Variants in HTR2A observed in about 807,000 individuals in gnomAD.
The protein encoded by HTR2A is 5-HT2 receptor.
HTR2A carries 14 observed loss-of-function variants against 31.0 expected under a neutral mutation model. The ratio of observed to expected loss-of-function variants is 0.45; its 90% CI spans 0.30 to 0.71. HTR2A has a LOEUF of 0.71. Among genes scored for constraint, HTR2A ranks in the 30% least tolerant of loss-of-function variants. The probability of loss-of-function intolerance (pLI) is 0.09; values close to 1 mark genes in which losing one functional copy is unlikely to be tolerated. For missense variants in HTR2A, 442 were observed against 573.3 expected, an observed-to-expected ratio of 0.77 and a Z score of 2.34; for synonymous variants, 209 against 225.2, an observed-to-expected ratio of 0.93 and a Z score of 0.64.
chr13:46,859,260 CA>C (rs1338698993), intron 3 of HTR2A, among the ~76,000 whole-genome samples: 1 of 152,140 alleles, frequency 6.6e-6, no homozygotes, highest in Non-Finnish European at 1.5e-5. Context: ...TCTCATTCTT[CA>C]AGTTTCAGCT....
intron 3 of HTR2A, among the ~76,000 whole-genome samples, chr13:46,846,997 T>G (rs1314386888): frequency 6.6e-6 from 1 of 152,232 alleles, no homozygotes; most frequent in Non-Finnish European, 1.5e-5. Context: ...CTCCTGTTTG[T>G]TCATTTTGCT....
At chr13:46,881,030 C>G (rs1056833423) in intron 3 of HTR2A, among the ~76,000 whole-genome samples, 3 of 152,206 alleles carry the variant, frequency 2.0e-5, no homozygotes, top group African/African-American at 7.2e-5. Context: ...CTCTGGCAGG[C>G]TCTCAGCTGC....
intron 3 of HTR2A, among the ~76,000 whole-genome samples, chr13:46,863,630 G>GAAAAAAAAAAAAAA (rs59693757): frequency 7.9e-4 from 47 of 59,260 alleles, no homozygotes; most frequent in African/African-American, 2.1e-3. Flanking sequence ...CCCTCAAAAT[G>GAAAAAAAAAAAAAA]AAAAAAAAAA....
intron 3 of HTR2A, among the ~76,000 whole-genome samples, chr13:46,855,594 A>G (rs1950729299): frequency 6.6e-6 from 1 of 152,098 alleles, no homozygotes; most frequent in South Asian, 2.1e-4. Flanking sequence ...TGGCCAGGGA[A>G]CATGTAAACT....
chr13:46,876,647 A>T (rs1315001306), intron 3 of HTR2A, among the ~76,000 whole-genome samples: 1 of 151,546 alleles, frequency 6.6e-6, no homozygotes, highest in African/African-American at 2.4e-5. Context: ...CGATCTCCTG[A>T]CCTTGTGATC....
At position 46,862,592 on chromosome 13, in the gene HTR2A, G is replaced by A. The variant is rs556603818; in HGVS notation, c.614-26953C>T. 3.3e-5 allele frequency among the ~76,000 whole-genome samples: 5 copies of A among 152,242 alleles called. No homozygotes were observed. In the East Asian group the frequency reaches 9.6e-4, roughly 29 times the overall value. ...ACTCCAGAAATAGAAAAGAGAAACAGGAAAACCAAAACTGGCTGGCCACTC... is the reference window on the plus strand; with the variant it reads ...ACTCCAGAAATAGAAAAGAGAAACAAGAAAACCAAAACTGGCTGGCCACTC... On this transcript the variant is annotated intron_variant, in intron 3 of 3. Coordinates refer to ENST00000542664, the MANE Select transcript of HTR2A (RefSeq NM_000621.5).
chr13:46,835,355 G>A lies in HTR2A; in HGVS notation c.898C>T (p.His300Tyr). ...CCTGTGTAGGACCCTGGCTCCCTATGGATCGACCGCTGGAAGAGCTTTTCT... is the reference window on the plus strand; with the variant it reads ...CCTGTGTAGGACCCTGGCTCCCTATAGATCGACCGCTGGAAGAGCTTTTCT... ...SSEKLFQRSI[H>Y]REPGSYTGRR... The change falls in exon 4 of 4, where the codon CAT (histidine) becomes TAT (tyrosine). Residue 300 changes from histidine (H) to tyrosine (Y), a missense_variant. Around this residue, in one of 5 missense-constraint regions of HTR2A, gnomAD observed 174 missense variants for 195.1 expected, o/e 0.89. Transcript: ENST00000542664. 1 of 1,614,042 alleles carries A rather than the reference G, an allele frequency of 6.2e-7. No individual in the cohort carries two copies. The highest frequency in any genetic ancestry group is 1.7e-4 in the Middle Eastern group (1 of 6,060).
intron 3 of HTR2A, among the ~76,000 whole-genome samples, chr13:46,876,825 C>A (rs1422828257): frequency 6.6e-6 from 1 of 152,128 alleles, no homozygotes; most frequent in Non-Finnish European, 1.5e-5. Flanking sequence ...CTTGTATAGT[C>A]CCTTATCCAC....
intron 3 of HTR2A, among the ~76,000 whole-genome samples, chr13:46,869,050 C>A (rs1378384765): frequency 6.6e-6 from 1 of 151,930 alleles, no homozygotes; most frequent in Non-Finnish European, 1.5e-5. Context: ...AGATACGTCA[C>A]CAAAAGCACA....
intron 3 of HTR2A, among the ~76,000 whole-genome samples, chr13:46,877,512 G>T (rs1950924662): frequency 6.6e-6 from 1 of 152,052 alleles, no homozygotes; most frequent in Admixed American, 6.6e-5. Context: ...TTGAAACCAA[G>T]GGCACAAGGA....
intron 3 of HTR2A, among the ~76,000 whole-genome samples, chr13:46,844,469 T>C (rs1950624282): frequency 6.6e-6 from 1 of 152,212 alleles, no homozygotes; most frequent in Non-Finnish European, 1.5e-5. Context: ...ACATAATTCG[T>C]ACACTCTTTT....
In HTR2A at chr13:46,896,683, C is replaced by T; in HGVS notation, c.-338G>A. ...CGGCATGAGAACTTACATTTGTCTT[C>T]AGGGTCCACACATGAGATACATTTG... On this transcript the variant is annotated 5_prime_UTR_variant, in exon 1 of 4. The change abolishes the stop of an existing upstream ORF in the 5' untranslated region. Transcript: ENST00000542664. The T allele has an allele frequency of 6.5e-7, 1 of 1,527,586 alleles. No individual in the cohort carries two copies. Among genetic ancestry groups the T allele is most frequent in the Non-Finnish European group, 8.7e-7 (1 of 1,142,982 alleles). 94.6% of individuals were successfully genotyped at this position (1,527,586 alleles called of 1,614,324 possible). A position where few individuals can be genotyped will look rare whatever the true frequency, so the allele number is the denominator to read the frequency against.
chr13:46,849,399 C>T (rs900942614), intron 3 of HTR2A, among the ~76,000 whole-genome samples: 1 of 152,182 alleles, frequency 6.6e-6, no homozygotes, highest in African/African-American at 2.4e-5. Flanking sequence ...TACCTGTGTA[C>T]CTCTGAGCCT....
Position 46,873,427 on chromosome 13 carries a change from TTTATTATTATTATTATTA to T in HTR2A, c.613+18945_613+18962del, listed in dbSNP as rs56356002. On this transcript the variant is annotated intron_variant, in intron 3 of 3. Coordinates refer to ENST00000542664, the MANE Select transcript of HTR2A (RefSeq NM_000621.5). ...AAACATTCCCAACTGTAATATAAAA[TTTATTATTATTATTATTA>T]TTATTATTATTATTATTATACTTTA... Among the ~76,000 whole-genome samples, 22 of 144,812 alleles carry T rather than the reference TTTATTATTATTATTATTA, an allele frequency of 1.5e-4. No homozygotes were observed. The East Asian group carries it at 4.0e-3, about 26-fold the overall frequency.
intron 3 of HTR2A, among the ~76,000 whole-genome samples, chr13:46,848,116 C>T (rs1374961939): frequency 2.6e-5 from 4 of 152,176 alleles, no homozygotes; most frequent in African/African-American, 9.7e-5. Flanking sequence ...ATGAAAGCCT[C>T]TACTCTCTGA....
chr13:46,898,023 C>T (rs36212451), upstream of HTR2A, among the ~76,000 whole-genome samples: 2,050 of 152,266 alleles, frequency 0.013, 51 homozygotes, highest in African/African-American at 0.046. Flanking sequence ...CCTTCATTCT[C>T]GCTGCCAGAT....
In HTR2A at chr13:46,895,237, T is replaced by C; in HGVS notation, c.412+258A>G. 1 of 376,478 alleles carries C rather than the reference T, an allele frequency of 2.7e-6. No individual in the cohort carries two copies. Among genetic ancestry groups the C allele is most frequent in the Non-Finnish European group, 4.8e-6 (1 of 209,512 alleles). 23.3% of individuals were successfully genotyped at this position (376,478 alleles called of 1,614,324 possible). ...GTACATGTTTTGAAGCACAAAACTC[T>C]CCAATGATCATTTTTACACAGGATG... On this transcript the variant is annotated intron_variant, in intron 2 of 3. Transcript: ENST00000542664. This position sits in a 1 kb window ranked among gnomAD's most constrained non-coding sequence, Gnocchi z 4.4.
rs1951095820 is a variant in HTR2A, at chr13:46,895,634, TC to T, written c.272del (p.Gly91GlufsTer11). ...TAVVIILTIA[G>X]NILVIMAVSL... ...ACACTGCCATGATGACGAGTATGTT[TC>T]CAGCAATAGTTAGAATAATCACTAC... On this transcript the variant is annotated frameshift_variant, in exon 2 of 4. Transcript: ENST00000542664. LOFTEE classifies it high-confidence loss of function. The surrounding 1 kb of genome is among the most constrained non-coding windows in gnomAD (Gnocchi z 4.4). The T allele has an allele frequency of 6.2e-7, 1 of 1,614,104 alleles. No homozygotes were observed.
intron 2 of HTR2A, among the ~76,000 whole-genome samples, chr13:46,893,839 A>G (rs1951075742): frequency 6.6e-6 from 1 of 152,238 alleles, no homozygotes; most frequent in African/African-American, 2.4e-5. Flanking sequence ...TTACAGACCC[A>G]CAAAGCCGAA....
Sources: allele counts gnomAD v4.1 joint callset (sites outside exome capture counted in the v4.1 genomes callset), GRCh38; gene constraint gnomAD v4.1.1; regional missense constraint gnomAD v4.1.1; non-coding constraint Gnocchi (gnomAD v3.1); transcripts MANE v1.5; gene names NCBI Gene and HGNC (gene_info 2026-07-23, HGNC 2026-07-21).